FUT8: variants seen among roughly 807,000 people sequenced by gnomAD.
FUT8 encodes the protein alpha-(1,6)-fucosyltransferase.
Under a neutral mutation model 71.3 loss-of-function variants are expected in FUT8, and 29 were observed. The observed-to-expected ratio is 0.41, with a 90% CI of 0.30 to 0.55. The LOEUF is 0.55. Ranked by LOEUF, FUT8 falls within the 20% of genes least tolerant of loss-of-function variation. The probability of loss-of-function intolerance (pLI) is 0.34; values close to 1 mark genes in which losing one functional copy is unlikely to be tolerated. For missense variants in FUT8, 544 were observed against 702.1 expected (o/e 0.77, Z 2.55); for synonymous variants, 254 against 239.3 (o/e 1.06, Z -0.57).
intron 7 of FUT8, among the ~76,000 whole-genome samples, chr14:65,708,969 A>G (rs1209168153): frequency 6.6e-6 from 1 of 152,202 alleles, no homozygotes; most frequent in Non-Finnish European, 1.5e-5. Flanking sequence ...ATAATAATGT[A>G]TATTTCAAAA....
At chr14:65,368,653 CT>C in the FUT8 span, among the ~76,000 whole-genome samples, 1 of 136,090 alleles carries the variant, frequency 7.3e-6, no homozygotes, top group Non-Finnish European at 1.6e-5. Context: ...TCTTGAGTAG[CT>C]GGGACTACAG....
chr14:65,389,068 C>T, the FUT8 span, among the ~76,000 whole-genome samples: 1 of 148,688 alleles, frequency 6.7e-6, no homozygotes, highest in East Asian at 2.0e-4. Flanking sequence ...GTGGCATGAT[C>T]CTAGCTCACT....
At chr14:65,573,758 G>A (rs1022915567) in intron 3 of FUT8, among the ~76,000 whole-genome samples, 9 of 151,014 alleles carry the variant, frequency 6.0e-5, no homozygotes, top group African/African-American at 9.7e-5. Context: ...AAAATAGGGC[G>A]TCAGGTTTAG....
chr14:65,421,747 C>CCCCCCCT lies in FUT8; in HGVS notation c.-326+8533_-326+8534insCCCCCCT, dbSNP rs57713947. On this transcript the variant is annotated intron_variant, in intron 1 of 10. Transcript: ENST00000673929. ...TTGAAACCCTTTAACCCACCCCCCC[C>CCCCCCCT]TTTTTTTTTTTTTGCCATATCCACA... Among the ~76,000 whole-genome samples the CCCCCCCT allele has an allele frequency of 7.2e-4, 57 of 79,194 alleles. 1 individual carries two copies. Among genetic ancestry groups the CCCCCCCT allele is most frequent in the African/African-American group, 2.3e-3 (46 of 20,212 alleles). The allele number at this position is 79,194 out of a possible 152,430, so 52.0% of individuals were successfully genotyped here.
At chr14:65,432,528 T>TA (rs1420512783) in intron 1 of FUT8, among the ~76,000 whole-genome samples, 6 of 152,310 alleles carry the variant, frequency 3.9e-5, no homozygotes, top group African/African-American at 1.4e-4. Flanking sequence ...AATTGCATCT[T>TA]AAACAGGAGT....
chr14:65,444,862 T>C (rs1309042582), intron 1 of FUT8, among the ~76,000 whole-genome samples: 1 of 152,140 alleles, frequency 6.6e-6, no homozygotes, highest in Non-Finnish European at 1.5e-5. Context: ...GGAAGGTGTA[T>C]GTATTGGTTC....
intron 8 of FUT8, 57 bp downstream of exon 8, chr14:65,722,078 CTTTACAATATATTGTGAA>C: frequency 6.3e-7 from 1 of 1,578,794 alleles, no homozygotes; most frequent in Non-Finnish European, 8.6e-7. Flanking sequence ...GGTTATGTAT[CTTTACAATATATTGTGAA>C]TTTTACAATA....
intron 2 of FUT8, among the ~76,000 whole-genome samples, chr14:65,551,550 A>G (rs1218636411): frequency 6.6e-6 from 1 of 152,168 alleles, no homozygotes; most frequent in East Asian, 1.9e-4. Context: ...TATTCTTACT[A>G]CAAACACACA....
At chr14:65,728,949 C>T (rs901939535) in intron 9 of FUT8, among the ~76,000 whole-genome samples, 7 of 151,302 alleles carry the variant, frequency 4.6e-5, no homozygotes, top group East Asian at 1.9e-4. Flanking sequence ...TGTAGTTGAT[C>T]GAATTCTATA....
intron 2 of FUT8, among the ~76,000 whole-genome samples, chr14:65,459,556 A>G (rs1048544803): frequency 2.0e-5 from 3 of 152,328 alleles, no homozygotes; most frequent in African/African-American, 7.2e-5. Context: ...ATTTAACTTA[A>G]TCCCACCCAT....
Position 65,652,728 on chromosome 14 carries a change from T to C in FUT8, c.598-16515T>C, listed in dbSNP as rs1435840457. Among the ~76,000 whole-genome samples the C allele has an allele frequency of 1.3e-5, 2 of 152,228 alleles. No homozygotes were observed. Among genetic ancestry groups the C allele is most frequent in the South Asian group, 4.2e-4 (2 of 4,814 alleles). On this transcript the variant is annotated intron_variant, in intron 6 of 10. Coordinates refer to ENST00000673929, the MANE Select transcript of FUT8 (RefSeq NM_001371533.1). This position sits in a 1 kb window ranked among gnomAD's most constrained non-coding sequence, Gnocchi z 4.0. ...CACAATGGGGGTCAATATGTATTTA[T>C]TGGATAAAGGAATAAGAGAAAGAAT...
At chr14:65,618,035 A>G (rs199794845) in intron 5 of FUT8, among the ~76,000 whole-genome samples, 3 of 105,854 alleles carry the variant, frequency 2.8e-5, no homozygotes, top group Non-Finnish European at 1.8e-5. Context: ...ATATATATAT[A>G]TATATATATA....
chr14:65,602,343 TCACACACACACACACACACACACACA>T (rs1163052408), intron 3 of FUT8, among the ~76,000 whole-genome samples: 7 of 48,502 alleles, frequency 1.4e-4, no homozygotes, highest in South Asian at 7.3e-4. Flanking sequence ...GTTCCATCTC[TCACACACACACACACACACACACACA>T]CACACACACA....
In FUT8 at chr14:65,493,552, G is replaced by A. The variant is rs186018300; in HGVS notation, c.-228+37834G>A. 3.4e-3 allele frequency among the ~76,000 whole-genome samples: 523 copies of A among 152,174 alleles called. 2 individuals are homozygous for A. Among genetic ancestry groups the A allele is most frequent in the African/African-American group, 0.012 (496 of 41,534 alleles). On this transcript the variant is annotated intron_variant, in intron 2 of 10. Coordinates refer to ENST00000673929, the MANE Select transcript of FUT8 (RefSeq NM_001371533.1). ...TGAAGTCTCAGGTACTGTGCTAAAT[G>A]CTTTTCTTATATTATAACCTATAGA... is the stretch of plus-strand genomic sequence containing the variant.
At chr14:65,524,800 T>TTGTAGAATG (rs1883333612) in intron 2 of FUT8, among the ~76,000 whole-genome samples, 2 of 152,212 alleles carry the variant, frequency 1.3e-5, no homozygotes, top group Admixed American at 1.3e-4. Flanking sequence ...TTGAATTTTG[T>TTGTAGAATG]CAAAGGCCTT....
At chr14:65,381,533 T>A in the FUT8 span, among the ~76,000 whole-genome samples, 2 of 152,228 alleles carry the variant, frequency 1.3e-5, no homozygotes, top group Non-Finnish European at 2.9e-5. Flanking sequence ...GCCTGGCACA[T>A]GGAAAGCGTC....
chr14:65,396,169 T>C, the FUT8 span, among the ~76,000 whole-genome samples: 1 of 152,206 alleles, frequency 6.6e-6, no homozygotes, highest in African/African-American at 2.4e-5. The surrounding 1 kb of genome is among the most constrained non-coding windows in gnomAD (Gnocchi z 5.5). Context: ...TTCCAGACTT[T>C]CCCACATTTT....
intron 5 of FUT8, among the ~76,000 whole-genome samples, chr14:65,625,048 AAG>A (rs1387919762): frequency 6.7e-6 from 1 of 149,238 alleles, no homozygotes; most frequent in Non-Finnish European, 1.5e-5. Context: ...CCTGGGCAAC[AAG>A]AGTGAAACTC....
At chr14:65,736,293 A>C (rs545349636) in intron 10 of FUT8, among the ~76,000 whole-genome samples, 1 of 151,992 alleles carries the variant, frequency 6.6e-6, no homozygotes, top group East Asian at 1.9e-4. Context: ...AGTTATAGGA[A>C]TATCTCTGCC....
Sources: gnomAD v4.1 joint callset for allele counts (sites outside exome capture counted in the v4.1 genomes callset) on GRCh38, gnomAD v4.1.1 for gene constraint, Gnocchi (gnomAD v3.1) non-coding constraint, MANE v1.5 for transcripts, NCBI Gene and HGNC (gene_info 2026-07-23, HGNC 2026-07-21) for gene names.